The following GDPGP1 variants were observed in gnomAD, a reference collection of about 807,000 sequenced individuals.
GDPGP1 encodes GDP-D-glucose phosphorylase C15orf58.
A neutral mutation model predicts 19.2 loss-of-function variants in GDPGP1; 18 were observed. The observed-to-expected ratio is 0.94, with a 90% CI of 0.65 to 1.39. The LOEUF (loss-of-function observed/expected upper bound fraction) is 1.39. GDPGP1 is among the 40% of genes most tolerant of loss of function. GDPGP1 has a pLI of 0.00. For synonymous variants in GDPGP1, 219 were observed against 208.9 expected, an observed-to-expected ratio of 1.05 and a Z score of -0.42; for missense variants, 449 against 490.5, an observed-to-expected ratio of 0.92 and a Z score of 0.80.
At chr15:90,239,918 C>T (rs1229496359) in intron 3 of GDPGP1, among the ~76,000 whole-genome samples, 1 of 149,878 alleles carries the variant, frequency 6.7e-6, no homozygotes, top group Non-Finnish European at 1.5e-5. Flanking sequence ...GAGTGAGAAC[C>T]TGTTTCAAAA....
At position 90,241,347 on chromosome 15, in the gene GDPGP1, A is replaced by G; in HGVS notation, c.439A>G (p.Thr147Ala). The change falls in exon 4 of 4, where the codon ACT becomes GCT. Residue 147 changes from threonine to alanine, a missense_variant. By Grantham distance (58) the Thr-to-Ala change is moderately conservative. Transcript: ENST00000329600. ...GCACCGGGAGCCTGATCTCCCTGGG[A>G]CTCTGCTGCAAGAAGACATCCTGGT... ...RLHREPDLPG[T>A]LLQEDILVVI... is the part of the protein sequence containing the mutation. The G allele has an allele frequency of 1.2e-6, 2 of 1,614,102 alleles. No homozygotes were observed. The highest frequency in any genetic ancestry group is 1.7e-6 in the Non-Finnish European group (2 of 1,180,002).
chr15:90,240,813 CAAAA>C (rs987133069), intron 3 of GDPGP1, 83 bp from the exon 4 acceptor site: 14 of 698,410 alleles, frequency 2.0e-5, no homozygotes, highest in Non-Finnish European at 2.6e-5. Flanking sequence ...GACTCCATCT[CAAAA>C]AAAAAAATAA....
chr15:90,240,745 G>A lies in GDPGP1; in HGVS notation c.-9-155G>A, dbSNP rs544290057. 4.7e-5 allele frequency: 27 copies of A among 576,586 alleles called. No homozygotes were observed. In the East Asian group the frequency reaches 5.3e-4, roughly 11 times the overall value. 35.7% of individuals were successfully genotyped at this position (576,586 alleles called of 1,614,324 possible). On this transcript the variant is annotated intron_variant, in intron 3 of 3. Coordinates refer to ENST00000329600, the MANE Select transcript of GDPGP1 (RefSeq NM_001013657.3). Reference sequence around the variant, plus strand: ...GGAGAACCGCTTGAACCCAGGAGGCGGAGGTTACAGTGAACCAAGATCACT... The same window carrying A: ...GGAGAACCGCTTGAACCCAGGAGGCAGAGGTTACAGTGAACCAAGATCACT...
chr15:90,240,179 C>G (rs758364010), intron 3 of GDPGP1, among the ~76,000 whole-genome samples: 8 of 151,256 alleles, frequency 5.3e-5, no homozygotes, highest in Non-Finnish European at 8.8e-5. Context: ...GCCAAGATAG[C>G]GCCATTGCAC....
rs1962768207 is a variant in GDPGP1 at position 90,241,820 on chromosome 15, A to G, written c.912A>G (p.Ser304=). The G allele has an allele frequency of 1.9e-6, 3 of 1,614,046 alleles. No individual in the cohort carries two copies. The highest frequency in any genetic ancestry group is 2.7e-5 in the African/African-American group (2 of 74,924). Residue 304 remains serine, a synonymous_variant, in exon 4 of 4, where the codon TCA becomes TCG. Coordinates refer to ENST00000329600, the MANE Select transcript of GDPGP1 (RefSeq NM_001013657.3). ...CGCCGGGAAAGACATCACCTTCCTC[A>G]GCCCTCACAGGGGTCCGAGTAATTC... The part of the protein sequence containing the change: ...GAPPGKTSPS[S]ALTGVRVILW...
intron 2 of GDPGP1, chr15:90,236,322 C>T (rs1476950881): frequency 6.6e-6 from 1 of 152,244 alleles, no homozygotes; most frequent in Non-Finnish European, 1.5e-5. Context: ...CAGGCGTGCG[C>T]CACTGCACCC....
At position 90,242,030 on chromosome 15, in the gene GDPGP1, A is replaced by C. The variant is rs1962774602; in HGVS notation, c.1122A>C (p.Ala374=). The change falls in exon 4 of 4, where the codon GCA becomes GCC. Residue 374 remains alanine (A), a synonymous_variant. Transcript: ENST00000329600. ...LPPSQAEDVQ[A]ALVALMSQEE... is the part of the protein sequence containing the mutation. ...CATCCCAGGCAGAAGACGTACAGGC[A>C]GCACTGGTGGCCCTGATGTCCCAGG... 1.9e-6 allele frequency: 3 copies of C among 1,612,686 alleles called. No individual in the cohort carries two copies. Among genetic ancestry groups the C allele is most frequent in the Non-Finnish European group, 8.5e-7 (1 of 1,179,234 alleles).
rs142483004 is a variant in GDPGP1 at position 90,241,150 on chromosome 15, G to T, written c.242G>T (p.Arg81Leu). The T allele has an allele frequency of 4.6e-5, 74 of 1,614,008 alleles. No homozygotes were observed. Among genetic ancestry groups the T allele is most frequent in the Non-Finnish European group, 5.8e-5 (68 of 1,180,012 alleles). Residue 81 changes from arginine to leucine, a missense_variant, in exon 4 of 4, where the codon CGG (arginine) becomes CTG (leucine). Transcript: ENST00000329600. ...VELGLFRYRL[R>L]ELQTQILPGA... is the part of the protein sequence containing the mutation. ...CTGGGGCTGTTTCGCTACCGTCTAC[G>T]GGAGCTACAGACCCAAATCCTCCCT... is the stretch of plus-strand genomic sequence containing the variant.
intron 2 of GDPGP1, among the ~76,000 whole-genome samples, chr15:90,236,391 G>C (rs921914330): frequency 1.3e-5 from 2 of 152,182 alleles, no homozygotes; most frequent in African/African-American, 2.4e-5. Context: ...CTGGTGACCA[G>C]CTGTGATCTA....
In GDPGP1 at chr15:90,240,950, G is replaced by A. The variant is rs1325274028; in HGVS notation, c.42G>A (p.Leu14=). The A allele has an allele frequency of 6.2e-7, 1 of 1,613,904 alleles. No homozygotes were observed. Among genetic ancestry groups the A allele is most frequent in the Non-Finnish European group, 8.5e-7 (1 of 1,179,926 alleles). ...ATTCAAACGAAACTTCCTATTTGCT[G>A]CCTCCCAACAATGAGGACTGGGGCA... The part of the protein sequence containing the change: ...PHDSNETSYL[L]PPNNEDWGRQ... Residue 14 remains leucine, a synonymous_variant, in exon 4 of 4, where the codon CTG becomes CTA. Transcript: ENST00000329600.
intron 2 of GDPGP1, among the ~76,000 whole-genome samples, chr15:90,235,640 T>C (rs1962618830): frequency 6.6e-6 from 1 of 152,032 alleles, no homozygotes; most frequent in African/African-American, 2.4e-5. Flanking sequence ...TGATCTTGGC[T>C]CACTGCAAGC....
rs750778443 is a variant in GDPGP1, at chr15:90,241,274, A to C, written c.366A>C (p.Val122=). 6.2e-7 allele frequency: 1 copy of C among 1,614,130 alleles called. No homozygotes were observed. ...GTGTGAGGCAGGCATTTGACCCTGT[A>C]CAGTTCAACTTCAACAAGATCCGGC... is the stretch of plus-strand genomic sequence containing the variant. ...IKSVRQAFDP[V]QFNFNKIRPG... The change falls in exon 4 of 4, where the codon GTA becomes GTC. Residue 122 remains valine, a synonymous_variant. Transcript: ENST00000329600.
intron 2 of GDPGP1, 140 bp from the exon 3 acceptor site, chr15:90,238,352 C>A (rs1962678929): frequency 6.6e-6 from 1 of 152,182 alleles, no homozygotes. Context: ...TCGTGTTAAG[C>A]ACATTCACGA....
chr15:90,241,517 C>G lies in GDPGP1; in HGVS notation c.609C>G (p.Val203=). The change falls in exon 4 of 4, where the codon GTC becomes GTG. Residue 203 remains valine (V), a synonymous_variant. Transcript: ENST00000329600. ...TGAGCTTACACCCGGGCTTCCGTGTCGGCTTCAACAGCCTGGGAGGCTTGG... is the reference window on the plus strand; with the variant it reads ...TGAGCTTACACCCGGGCTTCCGTGTGGGCTTCAACAGCCTGGGAGGCTTGG... The part of the protein sequence containing the change: ...VLLSLHPGFR[V]GFNSLGGLAS... 1 of 1,613,678 alleles carries G rather than the reference C, an allele frequency of 6.2e-7. No individual in the cohort carries two copies. Among genetic ancestry groups the G allele is most frequent in the Non-Finnish European group, 8.5e-7 (1 of 1,180,040 alleles).
chr15:90,238,040 C>A lies in GDPGP1; in HGVS notation c.-66-452C>A, dbSNP rs138312953. Reference sequence around the variant, plus strand: ...TTTGGCCAGGTGCGGTGGCTCACGCCTGTAATCCCAGCACTTTGGGAGGCC... The same window carrying A: ...TTTGGCCAGGTGCGGTGGCTCACGCATGTAATCCCAGCACTTTGGGAGGCC... On this transcript the variant is annotated intron_variant, in intron 2 of 3. Coordinates refer to ENST00000329600, the MANE Select transcript of GDPGP1 (RefSeq NM_001013657.3). 3.9e-3 allele frequency among the ~76,000 whole-genome samples: 590 copies of A among 152,352 alleles called. 6 individuals are homozygous for A. Among genetic ancestry groups the A allele is most frequent in the South Asian group, 0.027 (130 of 4,828 alleles).
intron 2 of GDPGP1, among the ~76,000 whole-genome samples, 174 bp downstream of exon 2, chr15:90,234,770 C>G (rs1359898357): frequency 6.6e-6 from 1 of 152,204 alleles, no homozygotes; most frequent in Non-Finnish European, 1.5e-5. Flanking sequence ...CATCTCACCC[C>G]TAGACTGCTG....
Position 90,245,760 on chromosome 15 carries a change from T to C in GDPGP1, c.*3694T>C, listed in dbSNP as rs1166268050. The C allele has an allele frequency of 6.6e-6, 1 of 152,180 alleles. No homozygotes were observed. Among genetic ancestry groups the C allele is most frequent in the African/African-American group, 2.4e-5 (1 of 41,444 alleles). 9.4% of individuals were successfully genotyped at this position (152,180 alleles called of 1,614,324 possible). On this transcript the variant is annotated 3_prime_UTR_variant, in exon 4 of 4. Coordinates refer to ENST00000329600, the MANE Select transcript of GDPGP1 (RefSeq NM_001013657.3). ...AGGAAAGCCTTCCCTGACTCAAATA[T>C]GTTTCTCCATATAAAAAGGGGAAAG...
chr15:90,237,283 C>CT (rs35595704), intron 2 of GDPGP1, among the ~76,000 whole-genome samples: 56,126 of 112,502 alleles, frequency 0.5, 15,215 homozygotes, highest in African/African-American at 0.58. Flanking sequence ...CTTTTTTTCC[C>CT]TTTTTTTTTT....
chr15:90,243,113 G>A lies in GDPGP1; in HGVS notation c.*1047G>A, dbSNP rs551497420. 2.6e-5 allele frequency: 4 copies of A among 152,210 alleles called. No individual in the cohort carries two copies. The highest frequency in any genetic ancestry group is 1.9e-4 in the East Asian group (1 of 5,174). 9.4% of individuals were successfully genotyped at this position (152,210 alleles called of 1,614,324 possible). ...TTCCTTTGATATCAAATGTTAGCACGGTAATAGTGCCTGTGCCTCCAGTAT... is the reference window on the plus strand; with the variant it reads ...TTCCTTTGATATCAAATGTTAGCACAGTAATAGTGCCTGTGCCTCCAGTAT... On this transcript the variant is annotated 3_prime_UTR_variant, in exon 4 of 4. Coordinates refer to ENST00000329600, the MANE Select transcript of GDPGP1 (RefSeq NM_001013657.3).
Sources: allele counts gnomAD v4.1 joint callset (sites outside exome capture counted in the v4.1 genomes callset), GRCh38; gene constraint gnomAD v4.1.1; transcripts MANE v1.5; gene names NCBI Gene and HGNC (gene_info 2026-07-23, HGNC 2026-07-21).